LRMDA: variants seen among roughly 807,000 people sequenced by gnomAD.
LRMDA encodes the protein leucine-rich melanocyte differentiation-associated protein.
Under a neutral mutation model 29.8 loss-of-function variants are expected in LRMDA, and 18 were observed. The observed-to-expected ratio is 0.60, with a 90% CI of 0.42 to 0.90. The LOEUF (loss-of-function observed/expected upper bound fraction) is 0.90. Among genes scored for constraint, LRMDA ranks in the 40% least tolerant of loss-of-function variants. The pLI is 0.00. For synonymous variants in LRMDA, 125 were observed against 109.4 expected, an observed-to-expected ratio of 1.14 and a Z score of -0.89; for missense variants, 273 against 273.9, an observed-to-expected ratio of 1.00 and a Z score of 0.02.
intron 2 of LRMDA, among the ~76,000 whole-genome samples, chr10:75,833,670 A>T (rs941853601): frequency 6.6e-6 from 1 of 152,182 alleles, no homozygotes; most frequent in Non-Finnish European, 1.5e-5. Flanking sequence ...AAAAATAACA[A>T]ATCTCATGAT....
At chr10:76,209,930 A>T (rs1214366968) in intron 5 of LRMDA, among the ~76,000 whole-genome samples, 1 of 152,198 alleles carries the variant, frequency 6.6e-6, no homozygotes, top group Non-Finnish European at 1.5e-5. Flanking sequence ...TCTTCATTCC[A>T]TGCTAATGGG....
At chr10:75,448,603 G>C (rs770546347) in intron 2 of LRMDA, among the ~76,000 whole-genome samples, 5 of 152,206 alleles carry the variant, frequency 3.3e-5, no homozygotes, top group Non-Finnish European at 7.3e-5. Flanking sequence ...GGCTCTATTA[G>C]CATTTAGTGG....
chr10:75,857,398 G>C (rs1342043595), intron 2 of LRMDA, among the ~76,000 whole-genome samples: 1 of 152,180 alleles, frequency 6.6e-6, no homozygotes, highest in African/African-American at 2.4e-5. Context: ...GTGTGGGTGA[G>C]AGAAGGTCCT....
intron 2 of LRMDA, among the ~76,000 whole-genome samples, chr10:75,696,437 A>G (rs974644011): frequency 4.6e-5 from 7 of 152,206 alleles, no homozygotes; most frequent in Non-Finnish European, 8.8e-5. Context: ...CCCATTCTAC[A>G]TTGTCATTCA....
chr10:75,632,590 A>G (rs1267850174), intron 2 of LRMDA, among the ~76,000 whole-genome samples: 1 of 151,890 alleles, frequency 6.6e-6, no homozygotes, highest in Admixed American at 6.6e-5. Flanking sequence ...CTCTCACCTG[A>G]GTTATATGCT....
intron 6 of LRMDA, among the ~76,000 whole-genome samples, chr10:76,442,161 A>T (rs1003605538): frequency 6.6e-6 from 1 of 152,300 alleles, no homozygotes; most frequent in African/African-American, 2.4e-5. Context: ...ACACAGGGTA[A>T]ATACGTGATT....
intron 2 of LRMDA, among the ~76,000 whole-genome samples, chr10:75,941,572 G>T (rs1486099307): frequency 2.6e-5 from 4 of 152,136 alleles, no homozygotes; most frequent in Non-Finnish European, 5.9e-5. Flanking sequence ...GTGCCATCCT[G>T]ATCCCCTTCC....
At chr10:76,112,685 G>A (rs1157530394) in intron 5 of LRMDA, among the ~76,000 whole-genome samples, 1 of 29,702 alleles carries the variant, frequency 3.4e-5, no homozygotes, top group Admixed American at 4.4e-4. Context: ...TACTGCACTA[G>A]GTAGGTCCGG....
intron 6 of LRMDA, among the ~76,000 whole-genome samples, chr10:76,532,434 G>T (rs1843244631): frequency 6.6e-6 from 1 of 152,136 alleles, no homozygotes; most frequent in East Asian, 1.9e-4. Context: ...GCAAAGATTG[G>T]AACCATATTT....
chr10:75,825,723 T>C (rs575010600), intron 2 of LRMDA, among the ~76,000 whole-genome samples: 82 of 152,338 alleles, frequency 5.4e-4, no homozygotes, highest in Middle Eastern at 3.4e-3. Flanking sequence ...CAGATTACTA[T>C]TCGAGTTGAC....
At chr10:76,101,812 G>A (rs551127214) in intron 5 of LRMDA, among the ~76,000 whole-genome samples, 3 of 152,094 alleles carry the variant, frequency 2.0e-5, no homozygotes, top group South Asian at 2.1e-4. Context: ...TAGTACATTC[G>A]CAGGGTTGTG....
chr10:76,025,455 T>C (rs1014239945), intron 2 of LRMDA, among the ~76,000 whole-genome samples: 4 of 151,828 alleles, frequency 2.6e-5, no homozygotes, highest in African/African-American at 4.8e-5. Flanking sequence ...TGCTTACTGA[T>C]ACGCTGTCCT....
chr10:76,485,929 A>G (rs1842778994), intron 6 of LRMDA, among the ~76,000 whole-genome samples: 2 of 151,936 alleles, frequency 1.3e-5, no homozygotes, highest in African/African-American at 4.8e-5. Context: ...GGCAAAAATG[A>G]AACTATACAA....
chr10:75,689,954 A>AT lies in LRMDA; in HGVS notation c.131+251471dup, dbSNP rs201041979. 4.0e-4 allele frequency among the ~76,000 whole-genome samples: 59 copies of AT among 149,074 alleles called. No individual in the cohort carries two copies. In the South Asian group the frequency reaches 4.0e-3, roughly 10 times the overall value. On this transcript the variant is annotated intron_variant, in intron 2 of 6. Transcript: ENST00000611255. The stretch of plus-strand genomic sequence containing the variant: ...ACTAGATTGGTGGCTTTGGTTGTAA[A>AT]TTTTTTTTTTTGACTGTGAATAACA...
chr10:76,349,491 A>G lies in LRMDA; in HGVS notation c.601+25006A>G, dbSNP rs1055996818. 3.9e-5 allele frequency among the ~76,000 whole-genome samples: 6 copies of G among 152,208 alleles called. No homozygotes were observed. The East Asian group carries it at 5.8e-4, about 15-fold the overall frequency. On this transcript the variant is annotated intron_variant, in intron 6 of 6. Transcript: ENST00000611255. Reference sequence around the variant, plus strand: ...ATATATATATTATATATATTTACCTAGTATCTTTCTATGTAGACTTATAAT... The same window carrying G: ...ATATATATATTATATATATTTACCTGGTATCTTTCTATGTAGACTTATAAT...
chr10:75,718,020 T>TTTAAG (rs1272198029), intron 2 of LRMDA, among the ~76,000 whole-genome samples: 1 of 152,100 alleles, frequency 6.6e-6, no homozygotes, highest in Non-Finnish European at 1.5e-5. Context: ...ATTAAGTGAG[T>TTTAAG]TTATAAGAGT....
At chr10:76,441,333 T>C (rs1418919907) in intron 6 of LRMDA, among the ~76,000 whole-genome samples, 1 of 152,230 alleles carries the variant, frequency 6.6e-6, no homozygotes, top group Non-Finnish European at 1.5e-5. Flanking sequence ...AATAGTTGCA[T>C]GGGCAATTTC....
At chr10:76,082,609 G>T (rs1442959412) in intron 5 of LRMDA, among the ~76,000 whole-genome samples, 2 of 151,776 alleles carry the variant, frequency 1.3e-5, no homozygotes, top group Non-Finnish European at 2.9e-5. Flanking sequence ...AGACTTTGGA[G>T]AAATCAGAGA....
At chr10:75,807,697 T>C (rs1843880283) in intron 2 of LRMDA, among the ~76,000 whole-genome samples, 1 of 152,152 alleles carries the variant, frequency 6.6e-6, no homozygotes, top group Non-Finnish European at 1.5e-5. Flanking sequence ...TATAAGAGGC[T>C]GTGGGAATGG....
Sources: allele counts gnomAD v4.1 joint callset (sites outside exome capture counted in the v4.1 genomes callset), GRCh38; gene constraint gnomAD v4.1.1; transcripts MANE v1.5; gene names NCBI Gene and HGNC (gene_info 2026-07-23, HGNC 2026-07-21).